The following ERBB3 variants were observed in gnomAD, a reference collection of about 807,000 sequenced individuals.
ERBB3 encodes erb-b2 receptor tyrosine kinase 3.
A neutral mutation model predicts 156.7 loss-of-function variants in ERBB3; 96 were observed. The observed-to-expected ratio is 0.61, with a 90% CI of 0.52 to 0.73. The LOEUF (loss-of-function observed/expected upper bound fraction) is 0.73. Among genes scored for constraint, ERBB3 ranks in the 30% least tolerant of loss-of-function variants. The probability of loss-of-function intolerance (pLI) is 0.00; values close to 1 mark genes in which losing one functional copy is unlikely to be tolerated. For missense variants in ERBB3, 1,406 were observed against 1,709.4 expected (o/e 0.82, Z 3.13); for synonymous variants, 567 against 632.0 (o/e 0.90, Z 1.54).
Position 56,092,739 on chromosome 12 carries a change from C to G in ERBB3, c.1110-8C>G, listed in dbSNP as rs1868755126. 1.2e-6 allele frequency: 2 copies of G among 1,610,110 alleles called. No homozygotes were observed. Among genetic ancestry groups the G allele is most frequent in the African/African-American group, 1.3e-5 (1 of 74,926 alleles). ...ACCTTATTGACTGGTTTCTACTGTT[C>G]TATTCAGAGACCCCTGGCACAAGAT... On this transcript the variant is annotated splice_polypyrimidine_tract_variant and splice_region_variant and intron_variant, in intron 9 of 27. Coordinates refer to ENST00000267101, the MANE Select transcript of ERBB3 (RefSeq NM_001982.4).
intron 21 of ERBB3, chr12:56,098,230 C>T: frequency 3.7e-6 from 2 of 534,464 alleles, no homozygotes; most frequent in Non-Finnish European, 6.5e-6. Context: ...CGGTGAAACC[C>T]CGTCTCTACT....
chr12:56,094,537 C>G lies in ERBB3; in HGVS notation c.1840C>G (p.His614Asp), dbSNP rs200574817. 1 of 1,614,048 alleles carries G rather than the reference C, an allele frequency of 6.2e-7. No individual in the cohort carries two copies. Among genetic ancestry groups the G allele is most frequent in the East Asian group, 2.2e-5 (1 of 44,886 alleles). ...TGTTCAGAATGAATGTCGGCCCTGCCATGAGAACTGCACCCAGGGGTCAGT... is the reference window on the plus strand; with the variant it reads ...TGTTCAGAATGAATGTCGGCCCTGCGATGAGAACTGCACCCAGGGGTCAGT... The part of the protein sequence containing the change: ...PDVQNECRPC[H>D]ENCTQGCKGP... The change falls in exon 15 of 28, where the codon CAT becomes GAT. Residue 614 changes from histidine to aspartate, a missense_variant. Physicochemically the swap from His to Asp is moderately conservative, Grantham distance 81. This residue lies in a region of ERBB3 where 979 missense variants were observed against 1,219.6 expected (regional missense o/e 0.80). Transcript: ENST00000267101.
chr12:56,100,643 T>TAA (rs11317236), intron 26 of ERBB3, among the ~76,000 whole-genome samples: 2 of 124,762 alleles, frequency 1.6e-5, no homozygotes, highest in East Asian at 2.3e-4. Context: ...CCCTGTCTCT[T>TAA]AAAAAAAAAA....
chr12:56,094,928 G>T (rs1421501138), intron 15 of ERBB3, among the ~76,000 whole-genome samples: 1 of 147,950 alleles, frequency 6.8e-6, no homozygotes, highest in African/African-American at 2.5e-5. Flanking sequence ...TCCAGCCTGG[G>T]CAACAAGAGT....
rs4016497 is a variant in ERBB3 at position 56,102,806 on chromosome 12, TAAAAAAAAAAAAAAA to T, written c.*765_*779del. 1.8e-4 allele frequency: 10 copies of T among 56,134 alleles called. No homozygotes were observed. The highest frequency in any genetic ancestry group is 2.8e-3 in the South Asian group (2 of 720). 3.5% of individuals were successfully genotyped at this position (56,134 alleles called of 1,614,324 possible). A position where few individuals can be genotyped will look rare whatever the true frequency, so the allele number is the denominator to read the frequency against. On this transcript the variant is annotated 3_prime_UTR_variant, in exon 28 of 28. Coordinates refer to ENST00000267101, the MANE Select transcript of ERBB3 (RefSeq NM_001982.4). ...CAACATAGTAAGACCCCCATCTCTT[TAAAAAAAAAAAAAAA>T]AAAAAAAAAAAAACTTTAGAACTGG...
chr12:56,093,490 C>T lies in ERBB3; in HGVS notation c.1420C>T (p.Leu474Phe), dbSNP rs2136809943. The change falls in exon 12 of 28, where the codon CTT (leucine) becomes TTT (phenylalanine). Residue 474 changes from leucine (L) to phenylalanine (F), a missense_variant. Leu to Phe is a conservative substitution (Grantham distance 22, BLOSUM62 0). Coordinates refer to ENST00000267101, the MANE Select transcript of ERBB3 (RefSeq NM_001982.4). ...YHHSLNWTKV[L>F]RGPTEERLDI... ...CCACTCTTTGAACTGGACCAAGGTG[C>T]TTCGGGGGCCTACGGAAGAGCGACT... 1 of 1,613,926 alleles carries T rather than the reference C, an allele frequency of 6.2e-7. No individual in the cohort carries two copies. The highest frequency in any genetic ancestry group is 8.5e-7 in the Non-Finnish European group (1 of 1,179,970).
chr12:56,098,653 C>T (rs1019685236), intron 22 of ERBB3, 78 bp downstream of exon 22: 8 of 1,565,948 alleles, frequency 5.1e-6, no homozygotes, highest in Middle Eastern at 1.7e-4. Context: ...CTCTTAGAAT[C>T]TCTAAGCACT....
rs1869138332 is a variant in ERBB3 at position 56,102,251 on chromosome 12, C to T, written c.*196C>T. 1 of 598,218 alleles carries T rather than the reference C, an allele frequency of 1.7e-6. No homozygotes were observed. Among genetic ancestry groups the T allele is most frequent in the African/African-American group, 1.9e-5 (1 of 53,854 alleles). The allele number at this position is 598,218 out of a possible 1,614,324, so 37.1% of individuals were successfully genotyped here. On this transcript the variant is annotated 3_prime_UTR_variant, in exon 28 of 28. Transcript: ENST00000267101. Reference sequence around the variant, plus strand: ...TGGTATGTAGCCAGCTGTGCACTTTCTTCTCTTTCCCAACCCCAGGAAAGG... The same window carrying T: ...TGGTATGTAGCCAGCTGTGCACTTTTTTCTCTTTCCCAACCCCAGGAAAGG...
intron 2 of ERBB3, among the ~76,000 whole-genome samples, chr12:56,084,668 G>A (rs944300802): frequency 6.7e-6 from 1 of 149,674 alleles, no homozygotes; most frequent in African/African-American, 2.4e-5. Flanking sequence ...GACCAACATG[G>A]AAAAACCACA....
chr12:56,087,611 C>T lies in ERBB3; in HGVS notation c.582C>T (p.Cys194=), dbSNP rs747344439. 1 of 1,614,150 alleles carries T rather than the reference C, an allele frequency of 6.2e-7. No individual in the cohort carries two copies. The highest frequency in any genetic ancestry group is 8.5e-7 in the Non-Finnish European group (1 of 1,180,000). ...GTCATGAGGTTTGCAAGGGGCGATG[C>T]TGGGGTCCTGGATCAGAAGACTGCC... The part of the protein sequence containing the change: ...PPCHEVCKGR[C]WGPGSEDCQT... The change falls in exon 5 of 28, where the codon TGC becomes TGT. Residue 194 remains cysteine, a synonymous_variant. Coordinates refer to ENST00000267101, the MANE Select transcript of ERBB3 (RefSeq NM_001982.4).
intron 9 of ERBB3, 48 bp from the exon 10 acceptor site, chr12:56,092,699 T>C: frequency 1.5e-6 from 2 of 1,352,766 alleles, no homozygotes; most frequent in Non-Finnish European, 2.1e-6. Context: ...CTCATTGCCA[T>C]TGAGTTATAC....
chr12:56,083,823 T>C lies in ERBB3; in HGVS notation c.155T>C (p.Leu52Pro), dbSNP rs1485348787. ...AENQYQTLYK[L>P]YERCEVVMGN... is the part of the protein sequence containing the mutation. Reference sequence around the variant, plus strand: ...AACCAATACCAGACACTGTACAAGCTCTACGAGAGGTGTGAGGTGGTGATG... The same window carrying C: ...AACCAATACCAGACACTGTACAAGCCCTACGAGAGGTGTGAGGTGGTGATG... The change falls in exon 2 of 28, where the codon CTC becomes CCC. Residue 52 changes from leucine (L) to proline (P), a missense_variant. Leu to Pro is a moderately conservative substitution (Grantham distance 98). Around this residue, in one of 3 missense-constraint regions of ERBB3, gnomAD observed 979 missense variants for 1,219.6 expected, o/e 0.80. Transcript: ENST00000267101. 6.2e-7 allele frequency: 1 copy of C among 1,613,974 alleles called. No homozygotes were observed. The highest frequency in any genetic ancestry group is 2.2e-5 in the East Asian group (1 of 44,882).
chr12:56,094,269 G>C (rs143032007), intron 14 of ERBB3, 80 bp downstream of exon 14: 1 of 1,450,458 alleles, frequency 6.9e-7, no homozygotes, highest in African/African-American at 1.4e-5. Context: ...ATATGGCTAA[G>C]GATAGCACAG....
chr12:56,085,255 A>G (rs1175949155), intron 3 of ERBB3, 74 bp downstream of exon 3: 1 of 1,611,560 alleles, frequency 6.2e-7, no homozygotes, highest in Non-Finnish European at 8.5e-7. Context: ...ATGATGACCC[A>G]AGACTGCTCA....
chr12:56,093,994 C>T (rs762035500), intron 13 of ERBB3, 98 bp downstream of exon 13: 6 of 1,574,080 alleles, frequency 3.8e-6, no homozygotes. Context: ...CAGCTTTCTG[C>T]ATGTGCCTTG....
In ERBB3 at chr12:56,102,428, A is replaced by G. The variant is rs1201705639; in HGVS notation, c.*373A>G. On this transcript the variant is annotated 3_prime_UTR_variant, in exon 28 of 28. Coordinates refer to ENST00000267101, the MANE Select transcript of ERBB3 (RefSeq NM_001982.4). The stretch of plus-strand genomic sequence containing the variant: ...TATGTGTGCCTTTGTTTCCCATCAG[A>G]CTGTCAAGAAGAGGAAAGGGAGGAA... 1 of 281,244 alleles carries G rather than the reference A, an allele frequency of 3.6e-6. No individual in the cohort carries two copies. Among genetic ancestry groups the G allele is most frequent in the Non-Finnish European group, 6.8e-6 (1 of 147,450 alleles). The allele number at this position is 281,244 out of a possible 1,614,324, so 17.4% of individuals were successfully genotyped here. A position where few individuals can be genotyped will look rare whatever the true frequency, so the allele number is the denominator to read the frequency against.
At position 56,094,529 on chromosome 12, in the gene ERBB3, G is replaced by C; in HGVS notation, c.1832G>C (p.Arg611Pro). ...TACCCAGATGTTCAGAATGAATGTCGGCCCTGCCATGAGAACTGCACCCAG... is the reference window on the plus strand; with the variant it reads ...TACCCAGATGTTCAGAATGAATGTCCGCCCTGCCATGAGAACTGCACCCAG... ...YKYPDVQNEC[R>P]PCHENCTQGC... Residue 611 changes from arginine to proline, a missense_variant, in exon 15 of 28, where the codon CGG becomes CCG. This residue lies in a region of ERBB3 where 979 missense variants were observed against 1,219.6 expected (regional missense o/e 0.80). Transcript: ENST00000267101. 2 of 1,614,068 alleles carry C rather than the reference G, an allele frequency of 1.2e-6. No homozygotes were observed. The highest frequency in any genetic ancestry group is 1.7e-6 in the Non-Finnish European group (2 of 1,180,024).
intron 1 of ERBB3, chr12:56,083,363 T>G (rs1592224792): frequency 2.9e-6 from 1 of 348,586 alleles, no homozygotes; most frequent in East Asian, 7.4e-5. Context: ...GGTAGAGAAG[T>G]GAGTGCCCTA....
chr12:56,086,396 T>G (rs1397679029), intron 3 of ERBB3, 135 bp from the exon 4 acceptor site: 2 of 1,076,408 alleles, frequency 1.9e-6, no homozygotes, highest in Non-Finnish European at 2.9e-6. Context: ...CTCTGCAGCT[T>G]AGATTTAATT....
Sources: gnomAD v4.1 joint callset for allele counts (sites outside exome capture counted in the v4.1 genomes callset) on GRCh38, gnomAD v4.1.1 for gene constraint, gnomAD v4.1.1 regional missense constraint, MANE v1.5 for transcripts, NCBI Gene and HGNC (gene_info 2026-07-23, HGNC 2026-07-21) for gene names.